ENPP3: variants seen among roughly 807,000 people sequenced by gnomAD.
ENPP3 encodes ectonucleotide pyrophosphatase/phosphodiesterase 3.
Under a neutral mutation model 117.8 loss-of-function variants are expected in ENPP3, and 104 were observed. The ratio of observed to expected loss-of-function variants is 0.88; its 90% CI spans 0.75 to 1.04. The LOEUF (loss-of-function observed/expected upper bound fraction) is 1.04, where lower values mean the gene tolerates loss of function less well. ENPP3 is among the 50% of genes least tolerant of loss of function. The pLI is 0.00. For missense variants in ENPP3, 1,026 were observed against 1,051.9 expected, an observed-to-expected ratio of 0.98 and a Z score of 0.34; for synonymous variants, 380 against 349.9, an observed-to-expected ratio of 1.09 and a Z score of -0.96.
At chr6:131,703,856 C>T (rs1253010673) in intron 15 of ENPP3, among the ~76,000 whole-genome samples, 4 of 150,596 alleles carry the variant, frequency 2.7e-5, no homozygotes, top group South Asian at 4.2e-4. Context: ...CTTTGTGTGA[C>T]GCATGAGAAA....
intron 22 of ENPP3, 88 bp downstream of exon 22, chr6:131,737,520 T>C: frequency 1.3e-6 from 1 of 751,952 alleles, no homozygotes; most frequent in South Asian, 1.7e-5. Context: ...TAATTGCAAT[T>C]TGTTCCTGAT....
intron 19 of ENPP3, among the ~76,000 whole-genome samples, chr6:131,724,533 A>AT (rs1380255828): frequency 1.4e-4 from 22 of 152,302 alleles, no homozygotes; most frequent in African/African-American, 3.6e-4. Context: ...AGAATTTACA[A>AT]TTGTGCCTGG....
intron 7 of ENPP3, 84 bp from the exon 8 acceptor site, chr6:131,674,078 A>G: frequency 1.3e-6 from 1 of 789,194 alleles, no homozygotes; most frequent in Non-Finnish European, 2.0e-6. Flanking sequence ...CTTAGGTATG[A>G]GTAATAGATC....
intron 19 of ENPP3, 148 bp downstream of exon 19, chr6:131,724,239 A>AAAAAAAAAAAAAAAAC (rs1936217971): frequency 1.7e-6 from 1 of 585,490 alleles, no homozygotes; most frequent in Admixed American, 3.3e-5. Flanking sequence ...AAAAAAAAAA[A>AAAAAAAAAAAAAAAAC]CTCACAACAG....
At chr6:131,737,688 A>G (rs1165714046) in intron 22 of ENPP3, among the ~76,000 whole-genome samples, 2 of 152,186 alleles carry the variant, frequency 1.3e-5, no homozygotes, top group Admixed American at 1.3e-4. Flanking sequence ...CACTAAAAGT[A>G]AATCAAATGT....
At chr6:131,649,387 C>T (rs548981302) in intron 2 of ENPP3, among the ~76,000 whole-genome samples, 1 of 152,272 alleles carries the variant, frequency 6.6e-6, no homozygotes, top group Admixed American at 6.5e-5. Context: ...AACTCTACCC[C>T]TTAGCCATCA....
At chr6:131,649,931 A>T in intron 2 of ENPP3, 96 bp from the exon 3 acceptor site, 2 of 1,291,710 alleles carry the variant, frequency 1.5e-6, no homozygotes, top group Non-Finnish European at 2.2e-6. Flanking sequence ...TGTCTGTCAT[A>T]GTCTGTGCTG....
At chr6:131,655,053 A>G (rs1452536949) in intron 5 of ENPP3, among the ~76,000 whole-genome samples, 2 of 152,222 alleles carry the variant, frequency 1.3e-5, no homozygotes, top group African/African-American at 4.8e-5. Flanking sequence ...GTGAGCTATC[A>G]AACAGTAGGT....
chr6:131,652,902 C>G lies in ENPP3; in HGVS notation c.464+11C>G, dbSNP rs770375042. On this transcript the variant is annotated intron_variant, in intron 5 of 24. Transcript: ENST00000357639. ...TCAGTGCCCAGAAGGGTGAGCATGA[C>G]TGATACAGGGATTTTTATCCTCCTT... The G allele has an allele frequency of 1.9e-6, 3 of 1,590,410 alleles. No homozygotes were observed. The highest frequency in any genetic ancestry group is 1.7e-4 in the Middle Eastern group (1 of 5,992).
At chr6:131,681,027 AGAG>A (rs1779011992) in intron 11 of ENPP3, among the ~76,000 whole-genome samples, 1 of 151,904 alleles carries the variant, frequency 6.6e-6, no homozygotes, top group South Asian at 2.1e-4. Context: ...AGAGGACAGA[AGAG>A]GAGGGGGTTC....
intron 3 of ENPP3, among the ~76,000 whole-genome samples, chr6:131,651,623 C>A (rs1778265099): frequency 1.3e-5 from 2 of 152,288 alleles, no homozygotes; most frequent in African/African-American, 4.8e-5. Flanking sequence ...GAAAAGACAG[C>A]TTACAATGTT....
intron 20 of ENPP3, among the ~76,000 whole-genome samples, chr6:131,727,550 C>A (rs1342953581): frequency 9.8e-6 from 1 of 101,824 alleles, no homozygotes. Flanking sequence ...AGTGAAAGTC[C>A]ATCTCAAAAA....
chr6:131,652,883 C>T lies in ENPP3; in HGVS notation c.456C>T (p.Cys152=). The change falls in exon 5 of 25, where the codon TGC becomes TGT. Residue 152 remains cysteine (C), a synonymous_variant. Coordinates refer to ENST00000357639, the MANE Select transcript of ENPP3 (RefSeq NM_005021.5). The stretch of plus-strand genomic sequence containing the variant: ...GTGACACAGCCCAGCAGTCTCAGTG[C>T]CCAGAAGGGTGAGCATGACTGATAC... ...ENCDTAQQSQ[C]PEGFDLPPVI... is the part of the protein sequence containing the mutation. 6.2e-7 allele frequency: 1 copy of T among 1,609,082 alleles called. No homozygotes were observed. The highest frequency in any genetic ancestry group is 8.5e-7 in the Non-Finnish European group (1 of 1,175,480).
chr6:131,728,213 G>A (rs1008861074), intron 20 of ENPP3, among the ~76,000 whole-genome samples: 3 of 152,198 alleles, frequency 2.0e-5, no homozygotes, highest in African/African-American at 4.8e-5. Context: ...TATTGTTTTC[G>A]AGAGGAGTGG....
chr6:131,656,029 C>T (rs1419661741), intron 5 of ENPP3, among the ~76,000 whole-genome samples: 13 of 152,216 alleles, frequency 8.5e-5, no homozygotes, highest in Admixed American at 8.5e-4. Context: ...ATAAAATCCT[C>T]TTGCCAGACA....
chr6:131,677,991 C>A, intron 11 of ENPP3, 51 bp downstream of exon 11: 1 of 1,100,214 alleles, frequency 9.1e-7, no homozygotes, highest in Non-Finnish European at 1.4e-6. Flanking sequence ...ATCATCTAAC[C>A]CTAACCCACA....
chr6:131,720,748 C>CT (rs957963643), intron 17 of ENPP3, among the ~76,000 whole-genome samples: 88 of 151,804 alleles, frequency 5.8e-4, no homozygotes, highest in African/African-American at 2.1e-3. Context: ...GGCCCGGCTA[C>CT]TTTTTTTTGT....
At chr6:131,727,661 G>A (rs183164788) in intron 20 of ENPP3, among the ~76,000 whole-genome samples, 3 of 151,314 alleles carry the variant, frequency 2.0e-5, no homozygotes, top group African/African-American at 7.3e-5. Flanking sequence ...TGCATCCTCA[G>A]CACAATAGAA....
At chr6:131,656,163 C>T (rs992968173) in intron 5 of ENPP3, among the ~76,000 whole-genome samples, 4 of 152,154 alleles carry the variant, frequency 2.6e-5, no homozygotes, top group East Asian at 1.9e-4. Flanking sequence ...CCCCTACTGG[C>T]GGGGGACACC....
Sources: allele counts gnomAD v4.1 joint callset (sites outside exome capture counted in the v4.1 genomes callset), GRCh38; gene constraint gnomAD v4.1.1; transcripts MANE v1.5; gene names NCBI Gene and HGNC (gene_info 2026-07-23, HGNC 2026-07-21).